The following NCAM1 variants were observed in gnomAD, a reference collection of about 807,000 sequenced individuals.
NCAM1 encodes antigen recognized by monoclonal antibody 5.1H11.
NCAM1 carries 14 observed loss-of-function variants against 109.8 expected under a neutral mutation model. The observed-to-expected ratio is 0.13, with a 90% CI of 0.08 to 0.20. NCAM1 has a LOEUF of 0.20. Ranked by LOEUF, NCAM1 falls within the 10% of genes least tolerant of loss-of-function variation. The probability of loss-of-function intolerance (pLI) is 1.00; values close to 1 mark genes in which losing one functional copy is unlikely to be tolerated. For synonymous variants in NCAM1, 418 were observed against 442.9 expected, an observed-to-expected ratio of 0.94 and a Z score of 0.70; for missense variants, 774 against 1,109.9, an observed-to-expected ratio of 0.70 and a Z score of 4.30.
chr11:113,120,080 C>G (rs1373597901), intron 1 of NCAM1, among the ~76,000 whole-genome samples: 3 of 152,202 alleles, frequency 2.0e-5, no homozygotes, highest in Non-Finnish European at 4.4e-5. Flanking sequence ...AGTGTTCTCT[C>G]AGTTGTCTAA....
At chr11:113,132,747 CT>C (rs1941447988) in intron 1 of NCAM1, among the ~76,000 whole-genome samples, 1 of 151,820 alleles carries the variant, frequency 6.6e-6, no homozygotes. Context: ...TCCATTTCCC[CT>C]GTTTAGTGTT....
At chr11:113,210,877 G>T (rs1944372971) in intron 7 of NCAM1, among the ~76,000 whole-genome samples, 1 of 151,818 alleles carries the variant, frequency 6.6e-6, no homozygotes, top group Non-Finnish European at 1.5e-5. Context: ...AGCATAGTGG[G>T]GCAAACAGAG....
intron 1 of NCAM1, among the ~76,000 whole-genome samples, chr11:113,009,560 T>G (rs782029701): frequency 2.6e-5 from 4 of 151,970 alleles, no homozygotes; most frequent in Non-Finnish European, 5.9e-5. Context: ...TTTTAAACAG[T>G]CTCTGTATGT....
chr11:113,128,862 A>G (rs1555097711), intron 1 of NCAM1, among the ~76,000 whole-genome samples: 1 of 151,586 alleles, frequency 6.6e-6, no homozygotes. Context: ...ATTGACATTC[A>G]TGACCTGCAA....
chr11:113,081,611 T>G (rs1938823068), intron 1 of NCAM1, among the ~76,000 whole-genome samples: 1 of 152,164 alleles, frequency 6.6e-6, no homozygotes. Flanking sequence ...CTCGGCTCAC[T>G]GCAACCTCTG....
chr11:113,026,842 A>C (rs1199585842), intron 1 of NCAM1, among the ~76,000 whole-genome samples: 2 of 152,198 alleles, frequency 1.3e-5, no homozygotes, highest in Non-Finnish European at 2.9e-5. Flanking sequence ...TTATAGCTGG[A>C]AAACAGGCTC....
intron 1 of NCAM1, among the ~76,000 whole-genome samples, chr11:112,996,193 A>G (rs1423450973): frequency 3.3e-5 from 5 of 152,202 alleles, no homozygotes; most frequent in Non-Finnish European, 7.3e-5. Context: ...AAACTGTGTA[A>G]TATGATGTCT....
chr11:113,211,902 T>G (rs1389603452), intron 7 of NCAM1, among the ~76,000 whole-genome samples: 2 of 152,080 alleles, frequency 1.3e-5, no homozygotes, highest in African/African-American at 2.4e-5. Flanking sequence ...AAAGGTGCAG[T>G]GGAACAGTCT....
intron 1 of NCAM1, among the ~76,000 whole-genome samples, chr11:113,014,212 T>G (rs1307880848): frequency 1.3e-5 from 2 of 152,176 alleles, no homozygotes; most frequent in Non-Finnish European, 2.9e-5. Context: ...TGCAATGTAT[T>G]TTGCATTTCC....
chr11:113,000,817 C>CATATATATATATATATATATAT (rs375984527), intron 1 of NCAM1, among the ~76,000 whole-genome samples: 17 of 129,440 alleles, frequency 1.3e-4, no homozygotes, highest in East Asian at 6.3e-4. Context: ...ATTATATATA[C>CATATATATATATATATATATAT]ATATATATAT....
chr11:113,018,722 T>C (rs917264878), intron 1 of NCAM1, among the ~76,000 whole-genome samples: 9 of 152,154 alleles, frequency 5.9e-5, no homozygotes, highest in South Asian at 2.1e-4. Flanking sequence ...ACTGCTGTGG[T>C]TGTGCTTGGT....
chr11:113,272,677 ACAT>A (rs1946308100), intron 19 of NCAM1, among the ~76,000 whole-genome samples: 1 of 152,120 alleles, frequency 6.6e-6, no homozygotes, highest in African/African-American at 2.4e-5. Context: ...AGCTGGAGAG[ACAT>A]CAGCAGGGAA....
At chr11:113,014,436 A>G (rs1952156245) in intron 1 of NCAM1, among the ~76,000 whole-genome samples, 1 of 152,146 alleles carries the variant, frequency 6.6e-6, no homozygotes, top group South Asian at 2.1e-4. Flanking sequence ...TTATTCCCAT[A>G]GGGCTCATTC....
intron 14 of NCAM1, chr11:113,240,600 T>A (rs1945292118): frequency 1.6e-6 from 1 of 625,140 alleles, no homozygotes; most frequent in Non-Finnish European, 2.9e-6. Context: ...AGGTTTGACG[T>A]TAGAGAGAGC....
chr11:113,075,974 GAAA>G (rs1270984865), intron 1 of NCAM1, among the ~76,000 whole-genome samples: 2 of 149,768 alleles, frequency 1.3e-5, no homozygotes, highest in African/African-American at 4.9e-5. Flanking sequence ...AGCTAAAATG[GAAA>G]AAAAAAGAAT....
At chr11:112,983,581 G>A (rs546143610) in intron 1 of NCAM1, among the ~76,000 whole-genome samples, 1 of 151,926 alleles carries the variant, frequency 6.6e-6, no homozygotes, top group African/African-American at 2.4e-5. Context: ...AGGACAGGTT[G>A]TATCAGAACT....
chr11:113,133,516 G>A (rs1181523179), intron 1 of NCAM1: 1 of 152,210 alleles, frequency 6.6e-6, no homozygotes, highest in Non-Finnish European at 1.5e-5. Flanking sequence ...AAAAGGAGAT[G>A]CATTTTAATC....
intron 1 of NCAM1, among the ~76,000 whole-genome samples, chr11:113,025,798 A>G (rs1209878793): frequency 1.3e-5 from 1 of 79,868 alleles, no homozygotes; most frequent in Non-Finnish European, 2.8e-5. Flanking sequence ...AGAGAGAGAG[A>G]GAGAGAGAGA....
At chr11:113,117,960 C>T (rs550365402) in intron 1 of NCAM1, among the ~76,000 whole-genome samples, 1 of 152,010 alleles carries the variant, frequency 6.6e-6, no homozygotes, top group African/African-American at 2.4e-5. Flanking sequence ...CATCCTGGGC[C>T]ATTTAGACCT....
Sources: allele counts gnomAD v4.1 joint callset (sites outside exome capture counted in the v4.1 genomes callset), GRCh38; gene constraint gnomAD v4.1.1; transcripts MANE v1.5; gene names NCBI Gene and HGNC (gene_info 2026-07-23, HGNC 2026-07-21).